Variants in ZC3H3 observed in about 807,000 individuals in gnomAD.
ZC3H3 encodes the protein zinc finger CCCH domain-containing protein 3.
ZC3H3 carries 36 observed loss-of-function variants against 77.3 expected under a neutral mutation model. The ratio of observed to expected loss-of-function variants is 0.47; its 90% confidence interval spans 0.36 to 0.61. The LOEUF (loss-of-function observed/expected upper bound fraction) is 0.61. Ranked by LOEUF, ZC3H3 falls within the 20% of genes least tolerant of loss-of-function variation. The pLI, the probability that ZC3H3 is intolerant of heterozygous loss-of-function variation, is 0.00. For synonymous variants in ZC3H3, 626 were observed against 555.2 expected, an observed-to-expected ratio of 1.13 and a Z score of -1.79; for missense variants, 1,331 against 1,312.2, an observed-to-expected ratio of 1.01 and a Z score of -0.22.
intron 4 of ZC3H3, among the ~76,000 whole-genome samples, chr8:143,500,028 C>T (rs1821478537): frequency 6.6e-6 from 1 of 152,188 alleles, no homozygotes; most frequent in African/African-American, 2.4e-5. Flanking sequence ...CACCACCCCC[C>T]AGCCCCTATC....
chr8:143,468,062 A>G, intron 8 of ZC3H3, 147 bp downstream of exon 8: 1 of 976,984 alleles, frequency 1.0e-6, no homozygotes, highest in South Asian at 1.6e-5. Context: ...TGGGGTAGAG[A>G]CGGTACAGCA....
At chr8:143,486,303 T>TGGG (rs1319738873) in intron 4 of ZC3H3, among the ~76,000 whole-genome samples, 1 of 152,226 alleles carries the variant, frequency 6.6e-6, no homozygotes, top group Non-Finnish European at 1.5e-5. Flanking sequence ...TGCTCTGCAG[T>TGGG]GGGCGGCTAC....
chr8:143,538,210 G>A lies in ZC3H3; in HGVS notation c.1157C>T (p.Ala386Val), dbSNP rs749851828. ...KYKWKASSPSASSSSSFRWQS... is the reference protein window; with the variant it reads ...KYKWKASSPSVSSSSSFRWQS... ...CCAACGGAAGGAGGAAGAGGAGGAGGCAGAGGGGCTGGAGGCCTTCCACTT... is the reference window on the plus strand; with the variant it reads ...CCAACGGAAGGAGGAAGAGGAGGAGACAGAGGGGCTGGAGGCCTTCCACTT... Residue 386 changes from alanine to valine, a missense_variant, in exon 2 of 12, where the codon GCC becomes GTC. By Grantham distance (64) the Ala-to-Val change is moderately conservative (BLOSUM62 0). Around this residue, in one of 3 missense-constraint regions of ZC3H3, gnomAD observed 978 missense variants for 915.5 expected, o/e 1.07. Coordinates refer to ENST00000262577, the MANE Select transcript of ZC3H3 (RefSeq NM_015117.3). The A allele has an allele frequency of 5.6e-6, 9 of 1,613,050 alleles. No homozygotes were observed. The South Asian group carries it at 8.8e-5, about 16-fold the overall frequency.
chr8:143,499,538 C>A (rs1821461249), intron 4 of ZC3H3, among the ~76,000 whole-genome samples: 1 of 152,210 alleles, frequency 6.6e-6, no homozygotes, highest in African/African-American at 2.4e-5. Flanking sequence ...TTAACAAAAT[C>A]AGTCGAAACT....
intron 3 of ZC3H3, among the ~76,000 whole-genome samples, chr8:143,517,062 G>A (rs972347527): frequency 4.6e-5 from 7 of 152,174 alleles, no homozygotes; most frequent in African/African-American, 7.2e-5. Context: ...AGCCGCTGCC[G>A]CGGACTGTCA....
Position 143,539,175 on chromosome 8 carries a change from G to C in ZC3H3, c.192C>G (p.Ser64=). The C allele has an allele frequency of 6.2e-7, 1 of 1,612,990 alleles. No individual in the cohort carries two copies. ...TCTTGCGCCACGAAGGCCCATGGTG[G>C]GAAGAGTAGCCCCTCCGGCTTGGAC... ...YPRPSRRGYS[S]HHGPSWRKKY... Residue 64 remains serine, a synonymous_variant, in exon 2 of 12, where the codon TCC becomes TCG. Transcript: ENST00000262577.
At position 143,538,194 on chromosome 8, in the gene ZC3H3, G is replaced by T. The variant is rs750035882; in HGVS notation, c.1173C>A (p.Ser391=). The T allele has an allele frequency of 1.9e-6, 3 of 1,612,958 alleles. No individual in the cohort carries two copies. Among genetic ancestry groups the T allele is most frequent in the Non-Finnish European group, 2.5e-6 (3 of 1,179,972 alleles). Residue 391 remains serine (S), a synonymous_variant, in exon 2 of 12, where the codon TCC becomes TCA. Coordinates refer to ENST00000262577, the MANE Select transcript of ZC3H3 (RefSeq NM_015117.3). The part of the protein sequence containing the change: ...ASSPSASSSS[S]FRWQSEASSK... ...TGCTGGCCTCCGACTGCCAACGGAA[G>T]GAGGAAGAGGAGGAGGCAGAGGGGC...
intron 9 of ZC3H3, among the ~76,000 whole-genome samples, chr8:143,458,214 T>C (rs1233410871): frequency 6.6e-6 from 1 of 152,162 alleles, no homozygotes; most frequent in East Asian, 1.9e-4. Context: ...TATACACACA[T>C]AAAATTGACC....
chr8:143,516,579 A>ACACACACACACTCT (rs1554645654), intron 3 of ZC3H3, among the ~76,000 whole-genome samples: 1 of 145,568 alleles, frequency 6.9e-6, no homozygotes, highest in African/African-American at 2.6e-5. Flanking sequence ...ACACACACAC[A>ACACACACACACTCT]CTCACTCTCA....
At position 143,539,030 on chromosome 8, in the gene ZC3H3, T is replaced by G. The variant is rs761172376; in HGVS notation, c.337A>C (p.Arg113=). Residue 113 remains arginine, a synonymous_variant, in exon 2 of 12, where the codon AGA becomes CGA. Coordinates refer to ENST00000262577, the MANE Select transcript of ZC3H3 (RefSeq NM_015117.3). ...PPVPQQHVLE[R]QVQLSQGQNV... ...TGACCCTGACTGAGCTGGACCTGTC[T>G]CTCAAGGACATGCTGCTGCGGGACA... 6.2e-7 allele frequency: 1 copy of G among 1,612,986 alleles called. No homozygotes were observed.
At chr8:143,466,309 T>A (rs1820407523) in intron 8 of ZC3H3, among the ~76,000 whole-genome samples, 1 of 152,158 alleles carries the variant, frequency 6.6e-6, no homozygotes. Flanking sequence ...TCCAGGCACC[T>A]GACCCGTGGG....
intron 9 of ZC3H3, among the ~76,000 whole-genome samples, chr8:143,443,945 A>G (rs1819807036): frequency 6.6e-6 from 1 of 151,730 alleles, no homozygotes; most frequent in Non-Finnish European, 1.5e-5. Context: ...GCTCCAACCC[A>G]AAGGGTTTTA....
chr8:143,529,249 C>T (rs1198266236), intron 3 of ZC3H3, among the ~76,000 whole-genome samples: 5 of 152,154 alleles, frequency 3.3e-5, no homozygotes, highest in African/African-American at 4.8e-5. Context: ...CGGGAGAAGC[C>T]GCTGGGGACA....
At chr8:143,449,752 C>T (rs1370935999) in intron 9 of ZC3H3, among the ~76,000 whole-genome samples, 1 of 151,682 alleles carries the variant, frequency 6.6e-6, no homozygotes, top group Non-Finnish European at 1.5e-5. Context: ...CAAAACAAAA[C>T]AAAACAAAAC....
At chr8:143,445,426 A>T (rs1211605690) in intron 9 of ZC3H3, among the ~76,000 whole-genome samples, 1 of 98,476 alleles carries the variant, frequency 1.0e-5, no homozygotes, top group Non-Finnish European at 2.0e-5. Context: ...ATTAAAACAC[A>T]TTAAAGGTAG....
chr8:143,522,354 G>C (rs545428214), intron 3 of ZC3H3, among the ~76,000 whole-genome samples: 1 of 152,336 alleles, frequency 6.6e-6, no homozygotes, highest in Non-Finnish European at 1.5e-5. Flanking sequence ...TGTAATCCCA[G>C]CACTTTGCGA....
chr8:143,486,037 C>T (rs1821043701), intron 4 of ZC3H3, among the ~76,000 whole-genome samples: 1 of 152,258 alleles, frequency 6.6e-6, no homozygotes, highest in Non-Finnish European at 1.5e-5. Context: ...CAGTGTCCAT[C>T]ACCCTCTGAG....
At chr8:143,535,187 T>G (rs1237643657) in intron 3 of ZC3H3, among the ~76,000 whole-genome samples, 1 of 152,082 alleles carries the variant, frequency 6.6e-6, no homozygotes, top group Non-Finnish European at 1.5e-5. Context: ...TACAGGCATG[T>G]GCCACCATGC....
chr8:143,505,606 C>T (rs1352867674), intron 4 of ZC3H3, among the ~76,000 whole-genome samples: 1 of 152,194 alleles, frequency 6.6e-6, no homozygotes, highest in Non-Finnish European at 1.5e-5. Context: ...GTTCGTGTCC[C>T]GAAGGGTCCC....
Sources: gnomAD v4.1 joint callset for allele counts (sites outside exome capture counted in the v4.1 genomes callset) on GRCh38, gnomAD v4.1.1 for gene constraint, gnomAD v4.1.1 regional missense constraint, MANE v1.5 for transcripts, NCBI Gene and HGNC (gene_info 2026-07-23, HGNC 2026-07-21) for gene names.